Variants in AKAP19 observed in about 807,000 individuals in gnomAD.
AKAP19 encodes small A-kinase anchoring protein.
the AKAP19 span, among the ~76,000 whole-genome samples, chr2:189,971,284 TCATCCATGTCCCTACAAAGTA>T: frequency 6.6e-6 from 1 of 152,330 alleles, no homozygotes; most frequent in South Asian, 2.1e-4. Context: ...GTTTCCAGCT[TCATCCATGTCCCTACAAAGTA>T]CATGAACTCA....
the AKAP19 span, chr2:190,200,035 T>C: frequency 3.1e-6 from 5 of 1,614,126 alleles, no homozygotes; most frequent in Non-Finnish European, 4.2e-6. Flanking sequence ...TACTGTGATC[T>C]TGGAATATGC....
At chr2:190,084,268 CTT>C in the AKAP19 span, among the ~76,000 whole-genome samples, 30 of 151,830 alleles carry the variant, frequency 2.0e-4, 1 homozygote, top group African/African-American at 6.8e-4. Flanking sequence ...AATTTTTGTA[CTT>C]TTAGTAGAGA....
chr2:190,106,753 T>C, the AKAP19 span, among the ~76,000 whole-genome samples: 1 of 152,294 alleles, frequency 6.6e-6, no homozygotes, highest in South Asian at 2.1e-4. Context: ...TCAGTGACTA[T>C]ATTATTTGTC....
At chr2:190,018,905 T>C in the AKAP19 span, among the ~76,000 whole-genome samples, 27 of 152,332 alleles carry the variant, frequency 1.8e-4, no homozygotes, top group Middle Eastern at 0.01. Flanking sequence ...CTGTCTTTGC[T>C]CTGAGTTTAG....
At chr2:190,069,040 C>T in the AKAP19 span, among the ~76,000 whole-genome samples, 1 of 151,908 alleles carries the variant, frequency 6.6e-6, no homozygotes, top group African/African-American at 2.4e-5. Flanking sequence ...TGACTAGATC[C>T]CTTCCCCAAC....
the AKAP19 span, among the ~76,000 whole-genome samples, chr2:189,975,882 G>A: frequency 7.9e-5 from 12 of 152,086 alleles, no homozygotes; most frequent in South Asian, 2.1e-4. Flanking sequence ...TTAGCCATTC[G>A]TCTAATCTTT....
chr2:190,158,117 G>A, the AKAP19 span, among the ~76,000 whole-genome samples: 1 of 152,186 alleles, frequency 6.6e-6, no homozygotes. Flanking sequence ...TGCAGCCCCT[G>A]TCACGTACCC....
chr2:189,957,739 T>C, the AKAP19 span, among the ~76,000 whole-genome samples: 1 of 152,152 alleles, frequency 6.6e-6, no homozygotes, highest in African/African-American at 2.4e-5. Context: ...GATGTTTGAG[T>C]AGCATACATT....
At chr2:190,016,496 C>G in the AKAP19 span, among the ~76,000 whole-genome samples, 4 of 152,104 alleles carry the variant, frequency 2.6e-5, no homozygotes, top group African/African-American at 9.7e-5. Flanking sequence ...GTGGGGATTA[C>G]GGGGATTACA....
At chr2:189,987,351 A>T in the AKAP19 span, among the ~76,000 whole-genome samples, 1 of 151,814 alleles carries the variant, frequency 6.6e-6, no homozygotes, top group African/African-American at 2.4e-5. Flanking sequence ...GTCCAATTAA[A>T]CCTCTTTTTC....
At chr2:190,011,309 C>T in the AKAP19 span, among the ~76,000 whole-genome samples, 1 of 152,162 alleles carries the variant, frequency 6.6e-6, no homozygotes, top group African/African-American at 2.4e-5. Context: ...GATCAGGCCT[C>T]CTCTGCCTCC....
chr2:190,043,024 ATC>A, the AKAP19 span, among the ~76,000 whole-genome samples: 5 of 152,236 alleles, frequency 3.3e-5, no homozygotes, highest in Non-Finnish European at 5.9e-5. Flanking sequence ...TAGACCCCCA[ATC>A]TCATCTGGCT....
chr2:189,977,031 A>C, the AKAP19 span, among the ~76,000 whole-genome samples: 1 of 152,084 alleles, frequency 6.6e-6, no homozygotes, highest in Non-Finnish European at 1.5e-5. Flanking sequence ...CTGCTACCCC[A>C]GTTGGAAATG....
chr2:190,186,420 A>G, the AKAP19 span, among the ~76,000 whole-genome samples: 1 of 152,182 alleles, frequency 6.6e-6, no homozygotes, highest in South Asian at 2.1e-4. This position sits in a 1 kb window ranked among gnomAD's most constrained non-coding sequence, Gnocchi z 5.5. Flanking sequence ...GACCACATGG[A>G]GTCATCCTGA....
At chr2:190,155,701 T>A in the AKAP19 span, among the ~76,000 whole-genome samples, 5 of 152,130 alleles carry the variant, frequency 3.3e-5, no homozygotes, top group African/African-American at 1.2e-4. Flanking sequence ...AGTAAGAATG[T>A]CTAGTGAGAA....
chr2:190,038,911 T>TTCTTCTTCTTCTTCTTCTTCC, the AKAP19 span, among the ~76,000 whole-genome samples: 3 of 112,184 alleles, frequency 2.7e-5, no homozygotes, highest in African/African-American at 1.4e-4. Flanking sequence ...TTTCTTCTTC[T>TTCTTCTTCTTCTTCTTCTTCC]TCTTCTTCTT....
chr2:190,127,062 GT>G, the AKAP19 span, among the ~76,000 whole-genome samples: 11 of 152,096 alleles, frequency 7.2e-5, no homozygotes, highest in African/African-American at 2.4e-4. Context: ...GTGTAGCACT[GT>G]TAAGGGATAT....
chr2:190,188,853 G>C, the AKAP19 span, among the ~76,000 whole-genome samples: 1 of 152,124 alleles, frequency 6.6e-6, no homozygotes, highest in African/African-American at 2.4e-5. Context: ...GCTTCTGTGG[G>C]ATGGAAACTA....
At chr2:190,025,357 A>G in the AKAP19 span, among the ~76,000 whole-genome samples, 7 of 152,088 alleles carry the variant, frequency 4.6e-5, no homozygotes, top group Non-Finnish European at 7.4e-5. Context: ...CCCATTCTCC[A>G]TCCCCCCACA....
Sources: gnomAD v4.1 joint callset for allele counts (sites outside exome capture counted in the v4.1 genomes callset) on GRCh38, gnomAD v4.1.1 for gene constraint, Gnocchi (gnomAD v3.1) non-coding constraint, MANE v1.5 for transcripts, NCBI Gene and HGNC (gene_info 2026-07-23, HGNC 2026-07-21) for gene names.